Variants in ZNF766 observed in about 807,000 individuals in gnomAD.
ZNF766 encodes zinc finger protein 766.
A neutral mutation model predicts 13.2 loss-of-function variants in ZNF766; 13 were observed. The observed-to-expected ratio is 0.98, with a 90% CI of 0.64 to 1.56. The LOEUF is 1.56. Ranked by LOEUF, ZNF766 falls within the 40% of genes most tolerant of loss-of-function variation. ZNF766 has a pLI of 0.00. For synonymous variants in ZNF766, 178 were observed against 187.6 expected (o/e 0.95, Z 0.42); for missense variants, 521 against 552.2 (o/e 0.94, Z 0.57).
intron 1 of ZNF766, among the ~76,000 whole-genome samples, chr19:52,272,914 C>T (rs1247221177): frequency 1.3e-5 from 2 of 152,188 alleles, no homozygotes; most frequent in African/African-American, 2.4e-5. Flanking sequence ...CCCCTGCAGT[C>T]CTGCACATCT....
chr19:52,292,477 C>T lies in ZNF766; in HGVS notation c.*1279C>T, dbSNP rs538066207. The T allele has an allele frequency of 3.7e-4, 125 of 339,924 alleles. 1 individual carries two copies. The highest frequency in any genetic ancestry group is 5.8e-4 in the Non-Finnish European group (109 of 188,436). 21.1% of individuals were successfully genotyped at this position (339,924 alleles called of 1,614,324 possible). ...TCAGGGACTGATTACGTAGGAGAGA[C>T]GATGCAGGGGAAATGGTGGCCACCG... is the stretch of plus-strand genomic sequence containing the variant. On this transcript the variant is annotated 3_prime_UTR_variant, in exon 4 of 4. Coordinates refer to ENST00000439461, the MANE Select transcript of ZNF766 (RefSeq NM_001010851.3).
chr19:52,291,239 TC>T lies in ZNF766; in HGVS notation c.*43del. On this transcript the variant is annotated 3_prime_UTR_variant, in exon 4 of 4. Coordinates refer to ENST00000439461, the MANE Select transcript of ZNF766 (RefSeq NM_001010851.3). ...TCATAAGTTCTAGCAGTAATCAACA[TC>T]CGAGAGTCTATACTAGAAAGAAATC... The T allele has an allele frequency of 2.6e-6, 4 of 1,513,772 alleles. No individual in the cohort carries two copies. Among genetic ancestry groups the T allele is most frequent in the Non-Finnish European group, 3.5e-6 (4 of 1,128,808 alleles). 93.8% of individuals were successfully genotyped at this position (1,513,772 alleles called of 1,614,324 possible). A position where few individuals can be genotyped will look rare whatever the true frequency, so the allele number is the denominator to read the frequency against.
At chr19:52,281,386 G>C (rs977002159) in intron 1 of ZNF766, 1 of 266,936 alleles carries the variant, frequency 3.7e-6, no homozygotes, top group Non-Finnish European at 7.3e-6. Flanking sequence ...AGGTATGGTG[G>C]TGCGTGCCTG....
chr19:52,271,624 T>C (rs1980978289), intron 1 of ZNF766, among the ~76,000 whole-genome samples: 1 of 152,150 alleles, frequency 6.6e-6, no homozygotes, highest in African/African-American at 2.4e-5. Context: ...GGGATTACTT[T>C]GGTTAGTGCA....
At chr19:52,285,474 G>A (rs1260644164) in intron 3 of ZNF766, among the ~76,000 whole-genome samples, 2 of 152,190 alleles carry the variant, frequency 1.3e-5, no homozygotes, top group Non-Finnish European at 2.9e-5. Flanking sequence ...TAGTTTGCTA[G>A]AGCAGCTCAC....
At chr19:52,277,474 A>C in intron 1 of ZNF766, 1 of 1,561,902 alleles carries the variant, frequency 6.4e-7, no homozygotes, top group Non-Finnish European at 8.6e-7. Context: ...AAAACAAAAA[A>C]AGTCATGTTA....
intron 1 of ZNF766, among the ~76,000 whole-genome samples, chr19:52,280,753 T>G (rs1044994852): frequency 6.6e-6 from 1 of 151,886 alleles, no homozygotes; most frequent in Non-Finnish European, 1.5e-5. Context: ...CAGCTAATTA[T>G]TATATTTTTA....
At chr19:52,284,306 T>C (rs1055283592) in intron 3 of ZNF766, among the ~76,000 whole-genome samples, 1 of 152,194 alleles carries the variant, frequency 6.6e-6, no homozygotes, top group Admixed American at 6.5e-5. Context: ...TAGACCTGCC[T>C]CCTTGACCTA....
rs1190413143 is a variant in ZNF766, at chr19:52,291,204, G to A, written c.*6G>A. ...AGAGAGTCCTTACAAACTGAGTTTG[G>A]CAAACTCTATCATAAGTTCTAGCAG... On this transcript the variant is annotated 3_prime_UTR_variant, in exon 4 of 4. Coordinates refer to ENST00000439461, the MANE Select transcript of ZNF766 (RefSeq NM_001010851.3). The A allele has an allele frequency of 3.9e-6, 6 of 1,549,080 alleles. No individual in the cohort carries two copies. The South Asian group carries it at 6.3e-5, about 16-fold the overall frequency.
At chr19:52,271,262 G>A (rs1283554918) in intron 1 of ZNF766, among the ~76,000 whole-genome samples, 2 of 152,184 alleles carry the variant, frequency 1.3e-5, no homozygotes. Context: ...TCTGAGGTGA[G>A]GGGCAGTCTT....
intron 3 of ZNF766, among the ~76,000 whole-genome samples, chr19:52,287,687 T>C (rs1199238553): frequency 1.3e-5 from 2 of 152,252 alleles, no homozygotes; most frequent in East Asian, 1.9e-4. Flanking sequence ...GATTTTCTAC[T>C]TCATTGTTAA....
Position 52,291,213 on chromosome 19 carries a change from A to G in ZNF766, c.*15A>G, listed in dbSNP as rs768658794. On this transcript the variant is annotated 3_prime_UTR_variant, in exon 4 of 4. Transcript: ENST00000439461. ...TTACAAACTGAGTTTGGCAAACTCT[A>G]TCATAAGTTCTAGCAGTAATCAACA... 7.0e-5 allele frequency: 108 copies of G among 1,544,990 alleles called. No individual in the cohort carries two copies. The highest frequency in any genetic ancestry group is 8.8e-5 in the Non-Finnish European group (101 of 1,148,916).
chr19:52,282,231 T>C lies in ZNF766; in HGVS notation c.139T>C (p.Ser47Pro), dbSNP rs1444834042. Residue 47 changes from serine (S) to proline (P), a missense_variant, in exon 2 of 4, where the codon TCC becomes CCC. Ser to Pro is a moderately conservative substitution (Grantham distance 74). Coordinates refer to ENST00000439461, the MANE Select transcript of ZNF766 (RefSeq NM_001010851.3). ...GTTGGAGAACTACAGGAACCTGGTC[T>C]CCCTGGGTAAGGATAATGCCCCTCC... ...VMLENYRNLVSLGICLPDLSI... is the reference protein window; with the variant it reads ...VMLENYRNLVPLGICLPDLSI... 1.2e-6 allele frequency: 2 copies of C among 1,600,256 alleles called. No homozygotes were observed. The highest frequency in any genetic ancestry group is 1.7e-5 in the Admixed American group (1 of 59,100).
At chr19:52,275,599 C>G (rs1981154151) in intron 1 of ZNF766, 1 of 152,160 alleles carries the variant, frequency 6.6e-6, no homozygotes, top group Admixed American at 6.6e-5. Context: ...CCTCCAAGCT[C>G]CATTCATGGT....
Position 52,271,846 on chromosome 19 carries a change from GT to G in ZNF766, c.18+2217del, listed in dbSNP as rs1391617476. ...GTGGTGACACGTACCTGTATTCCCA[GT>G]TACTCCGGAGGCTGAGGCAGGAGAG... On this transcript the variant is annotated intron_variant, in intron 1 of 3. Coordinates refer to ENST00000439461, the MANE Select transcript of ZNF766 (RefSeq NM_001010851.3). 9.9e-5 allele frequency among the ~76,000 whole-genome samples: 15 copies of G among 152,136 alleles called. No homozygotes were observed. In the East Asian group the frequency reaches 2.9e-3, roughly 29 times the overall value.
At position 52,292,126 on chromosome 19, in the gene ZNF766, T is replaced by A; in HGVS notation, c.*928T>A. The A allele has an allele frequency of 1.4e-6, 1 of 702,072 alleles. No individual in the cohort carries two copies. Among genetic ancestry groups the A allele is most frequent in the Non-Finnish European group, 2.6e-6 (1 of 384,730 alleles). The allele number at this position is 702,072 out of a possible 1,614,324, so 43.5% of individuals were successfully genotyped here. ...ATGACTTCAACCTGAACTTTGAAATTTCTTCATGTGCCTTCCCTACAGGCC... is the reference window on the plus strand; with the variant it reads ...ATGACTTCAACCTGAACTTTGAAATATCTTCATGTGCCTTCCCTACAGGCC... On this transcript the variant is annotated 3_prime_UTR_variant, in exon 4 of 4. Transcript: ENST00000439461.
chr19:52,282,086 T>C, intron 1 of ZNF766, 25 bp from the exon 2 acceptor site: 1 of 1,589,044 alleles, frequency 6.3e-7, no homozygotes, highest in South Asian at 1.1e-5. Flanking sequence ...CTTACCCTGT[T>C]GGTCAAATAC....
In ZNF766 at chr19:52,290,184, T is replaced by G; in HGVS notation, c.393T>G (p.Tyr131Ter). Residue 131 changes from tyrosine (Y) to a stop codon, truncating the protein, a stop_gained, in exon 4 of 4, where the codon TAT becomes TAG. Coordinates refer to ENST00000439461, the MANE Select transcript of ZNF766 (RefSeq NM_001010851.3). LOFTEE classifies it low-confidence loss of function (END_TRUNC). The part of the protein sequence containing the change: ...LEIFQGEGKI[Y>*]ECNQVQKFIS... The stretch of plus-strand genomic sequence containing the variant: ...TATTTCAAGGTGAAGGGAAGATTTA[T>G]GAATGTAATCAAGTTCAAAAGTTCA... The G allele has an allele frequency of 6.2e-7, 1 of 1,614,076 alleles. No individual in the cohort carries two copies. Among genetic ancestry groups the G allele is most frequent in the Non-Finnish European group, 8.5e-7 (1 of 1,179,906 alleles).
intron 1 of ZNF766, among the ~76,000 whole-genome samples, chr19:52,272,449 A>G (rs1460691015): frequency 6.6e-6 from 1 of 151,914 alleles, no homozygotes; most frequent in Non-Finnish European, 1.5e-5. Context: ...GGAGTGTCCC[A>G]TGATTTAGGT....
Sources: allele counts gnomAD v4.1 joint callset (sites outside exome capture counted in the v4.1 genomes callset), GRCh38; gene constraint gnomAD v4.1.1; transcripts MANE v1.5; gene names NCBI Gene and HGNC (gene_info 2026-07-23, HGNC 2026-07-21).